Variants in CEP63 observed in about 807,000 individuals in gnomAD.
CEP63 encodes centrosomal protein 63, also known as centrosomal protein of 63 kDa.
Under a neutral mutation model 89.1 loss-of-function variants are expected in CEP63, and 84 were observed. The ratio of observed to expected loss-of-function variants is 0.94; its 90% CI spans 0.79 to 1.13. The LOEUF (loss-of-function observed/expected upper bound fraction) is 1.13, where lower values mean the gene tolerates loss of function less well. Among genes scored for constraint, CEP63 ranks in the 50% most tolerant of loss-of-function variants. CEP63 has a pLI of 0.00. For missense variants in CEP63, 838 were observed against 813.3 expected, an observed-to-expected ratio of 1.03 and a Z score of -0.37; for synonymous variants, 267 against 272.5, an observed-to-expected ratio of 0.98 and a Z score of 0.20.
chr3:134,547,003 G>A (rs1465802205), intron 8 of CEP63, among the ~76,000 whole-genome samples: 2 of 152,104 alleles, frequency 1.3e-5, no homozygotes, highest in Non-Finnish European at 2.9e-5. Flanking sequence ...TAAGTCTGAT[G>A]CACACTTTTA....
the CEP63 span, chr3:134,608,095 G>A: frequency 1.8e-6 from 2 of 1,122,464 alleles, no homozygotes; most frequent in Non-Finnish European, 2.2e-6. Flanking sequence ...TGTCCTGGGA[G>A]ACCCATGTTG....
chr3:134,679,614 T>A, the CEP63 span, among the ~76,000 whole-genome samples: 1 of 152,220 alleles, frequency 6.6e-6, no homozygotes, highest in Non-Finnish European at 1.5e-5. Flanking sequence ...GTTGTAGTCT[T>A]AACCTCCAGT....
At chr3:134,769,047 G>C in the CEP63 span, among the ~76,000 whole-genome samples, 1 of 152,186 alleles carries the variant, frequency 6.6e-6, no homozygotes, top group African/African-American at 2.4e-5. Context: ...GTCAGGCCAG[G>C]GAGCTTGGAC....
rs752514586 is a variant in CEP63, at chr3:134,507,164, A to G, written c.100A>G (p.Ile34Val). 4 of 1,613,836 alleles carry G rather than the reference A, an allele frequency of 2.5e-6. No homozygotes were observed. The highest frequency in any genetic ancestry group is 3.3e-5 in the Admixed American group (2 of 60,016). The part of the protein sequence containing the change: ...ELQELMKQID[I>V]MVAHKKSEWE... ...ACAGGAGCTCATGAAACAGATTGAC[A>G]TAATGGTGGCTCATAAAAAATCTGA... The change falls in exon 3 of 15, where the codon ATA becomes GTA. Residue 34 changes from isoleucine to valine, a missense_variant. Ile to Val is a conservative substitution (Grantham distance 29). Transcript: ENST00000675561.
chr3:134,492,223 G>A (rs1459944924), intron 1 of CEP63, among the ~76,000 whole-genome samples: 2 of 151,974 alleles, frequency 1.3e-5, no homozygotes, highest in Non-Finnish European at 2.9e-5. Flanking sequence ...ACAGGCGCGC[G>A]CCACCATGCC....
At chr3:134,776,488 G>T in the CEP63 span, among the ~76,000 whole-genome samples, 1 of 152,118 alleles carries the variant, frequency 6.6e-6, no homozygotes, top group African/African-American at 2.4e-5. Context: ...CATATCAAGT[G>T]CCTAATAGGC....
At chr3:134,732,043 T>C in the CEP63 span, among the ~76,000 whole-genome samples, 1 of 152,130 alleles carries the variant, frequency 6.6e-6, no homozygotes, top group Non-Finnish European at 1.5e-5. Flanking sequence ...AATAATGTCT[T>C]CTGTAGTTGT....
At chr3:134,652,006 C>T in the CEP63 span, among the ~76,000 whole-genome samples, 2 of 152,126 alleles carry the variant, frequency 1.3e-5, no homozygotes, top group African/African-American at 4.8e-5. Flanking sequence ...GAGCCCTCCC[C>T]GCATTGGAGT....
the CEP63 span, among the ~76,000 whole-genome samples, chr3:134,765,810 A>G: frequency 6.6e-6 from 1 of 152,198 alleles, no homozygotes; most frequent in African/African-American, 2.4e-5. Flanking sequence ...TCACCTGAGA[A>G]TGAGTTGGAA....
chr3:134,715,988 T>TA, the CEP63 span, among the ~76,000 whole-genome samples: 4 of 152,202 alleles, frequency 2.6e-5, no homozygotes, highest in South Asian at 2.1e-4. Context: ...CTTTTTTTTT[T>TA]ATCACTATTA....
At chr3:134,532,622 T>C (rs1950066579) in intron 4 of CEP63, 156 bp from the exon 5 acceptor site, 2 of 573,150 alleles carry the variant, frequency 3.5e-6, no homozygotes, top group Non-Finnish European at 6.0e-6. Flanking sequence ...TTTTACATAT[T>C]TAATTTTTAG....
Position 134,564,569 on chromosome 3 carries a change from T to C in CEP63, c.*3034T>C, listed in dbSNP as rs971584214. The C allele has an allele frequency of 6.1e-6, 6 of 985,466 alleles. No individual in the cohort carries two copies. The highest frequency in any genetic ancestry group is 7.2e-6 in the Non-Finnish European group (6 of 829,928). The allele number at this position is 985,466 out of a possible 1,614,324, so 61.0% of individuals were successfully genotyped here. On this transcript the variant is annotated 3_prime_UTR_variant, in exon 15 of 15. Coordinates refer to ENST00000675561, the MANE Select transcript of CEP63 (RefSeq NM_001353108.3). ...ACACATAACAGATCCTAAGCAAATA[T>C]TGGGTGGATGAAAATCACTACCATT...
At chr3:134,514,558 G>T (rs1490083019) in intron 3 of CEP63, among the ~76,000 whole-genome samples, 3 of 151,498 alleles carry the variant, frequency 2.0e-5, no homozygotes, top group African/African-American at 4.8e-5. Context: ...AGCAATCAAA[G>T]AAAAAAAAGA....
At chr3:134,725,261 A>T in the CEP63 span, among the ~76,000 whole-genome samples, 1 of 152,202 alleles carries the variant, frequency 6.6e-6, no homozygotes, top group Non-Finnish European at 1.5e-5. Context: ...GTCATTCTAA[A>T]TAAATATTCA....
the CEP63 span, among the ~76,000 whole-genome samples, chr3:134,724,953 C>G: frequency 2.0e-5 from 3 of 152,114 alleles, no homozygotes; most frequent in Non-Finnish European, 4.4e-5. Flanking sequence ...TTTCTAAACT[C>G]TCAATAATTG....
chr3:134,557,372 A>ATTTTTTTT (rs1488699483), intron 12 of CEP63, among the ~76,000 whole-genome samples: 5 of 50,442 alleles, frequency 9.9e-5, no homozygotes, highest in East Asian at 1.9e-3. Context: ...TACTTTCATA[A>ATTTTTTTT]TTTGTTTTTT....
the CEP63 span, among the ~76,000 whole-genome samples, chr3:134,638,230 G>A: frequency 6.6e-6 from 1 of 152,206 alleles, no homozygotes; most frequent in African/African-American, 2.4e-5. Flanking sequence ...ATAGCTTTAT[G>A]CTTCCTTAAG....
chr3:134,543,277 C>T (rs1214444740), intron 6 of CEP63, among the ~76,000 whole-genome samples: 1 of 152,142 alleles, frequency 6.6e-6, no homozygotes, highest in Non-Finnish European at 1.5e-5. Context: ...GTTAAGAGCA[C>T]ATCTCAATTC....
At chr3:134,762,006 C>T in the CEP63 span, among the ~76,000 whole-genome samples, 32 of 152,294 alleles carry the variant, frequency 2.1e-4, no homozygotes, top group South Asian at 5.6e-3. Context: ...AGAGTCACCA[C>T]ATTTTGTAGC....
Sources: allele counts gnomAD v4.1 joint callset (sites outside exome capture counted in the v4.1 genomes callset), GRCh38; gene constraint gnomAD v4.1.1; transcripts MANE v1.5; gene names NCBI Gene and HGNC (gene_info 2026-07-23, HGNC 2026-07-21).